Variants in DOCK4 observed in about 807,000 individuals in gnomAD.
DOCK4 encodes the protein dedicator of cytokinesis 4, also known as dedicator of cytokinesis protein 4.
Under a neutral mutation model 268.1 loss-of-function variants are expected in DOCK4, and 97 were observed. The observed-to-expected ratio is 0.36, with a 90% CI of 0.31 to 0.43. The LOEUF is 0.43. Ranked by LOEUF, DOCK4 falls within the 20% of genes least tolerant of loss-of-function variation. The pLI is 1.00. For synonymous variants in DOCK4, 954 were observed against 887.2 expected (o/e 1.08, Z -1.34); for missense variants, 2,145 against 2,455.7 (o/e 0.87, Z 2.67).
chr7:111,769,426 T>C lies in DOCK4; in HGVS notation c.3828+103A>G. 4 of 1,408,630 alleles carry C rather than the reference T, an allele frequency of 2.8e-6. No homozygotes were observed. The Middle Eastern group carries it at 1.0e-3, about 365-fold the overall frequency. The allele number at this position is 1,408,630 out of a possible 1,614,324, so 87.3% of individuals were successfully genotyped here. On this transcript the variant is annotated intron_variant, in intron 37 of 52. Transcript: ENST00000428084. ...TCTAATATACATTAAGATGTGAGGA[T>C]CCCTGCTTAAGGAGGTGGGCATTCA... is the stretch of plus-strand genomic sequence containing the variant.
Position 112,202,705 on chromosome 7 carries a change from G to A in DOCK4, c.37+3397C>T, listed in dbSNP as rs535819979. On this transcript the variant is annotated intron_variant, in intron 1 of 52. Coordinates refer to ENST00000428084, the MANE Select transcript of DOCK4 (RefSeq NM_001363540.2). ...ACAGGCTATAGTGCACTATGATGGC[G>A]CCTATGAATAGCCACTGCACTCCAG... Among the ~76,000 whole-genome samples the A allele has an allele frequency of 7.5e-4, 113 of 151,298 alleles. 4 individuals carry two copies. The highest frequency in any genetic ancestry group is 2.6e-3 in the African/African-American group (108 of 41,196).
chr7:111,984,218 G>C, intron 7 of DOCK4, 88 bp downstream of exon 7: 1 of 1,190,714 alleles, frequency 8.4e-7, no homozygotes, highest in Non-Finnish European at 1.2e-6. Flanking sequence ...GGAACATCCT[G>C]TTCTTACAAA....
At chr7:111,998,162 A>T (rs984893919) in intron 4 of DOCK4, among the ~76,000 whole-genome samples, 4 of 152,176 alleles carry the variant, frequency 2.6e-5, no homozygotes, top group African/African-American at 9.7e-5. Context: ...AGTAGCAAGA[A>T]ACCAAAAAGA....
chr7:111,919,861 C>T (rs979949931), intron 12 of DOCK4, among the ~76,000 whole-genome samples: 13 of 152,246 alleles, frequency 8.5e-5, no homozygotes, highest in African/African-American at 3.1e-4. Context: ...AGGGACCAGA[C>T]CACAAAGAGC....
chr7:111,814,983 C>T (rs1356257721), intron 27 of DOCK4, among the ~76,000 whole-genome samples: 1 of 152,102 alleles, frequency 6.6e-6, no homozygotes, highest in Non-Finnish European at 1.5e-5. Flanking sequence ...AATATTTATG[C>T]AATTTTAAAA....
chr7:111,962,299 T>C (rs1341824504), intron 8 of DOCK4, among the ~76,000 whole-genome samples: 2 of 152,236 alleles, frequency 1.3e-5, no homozygotes, highest in African/African-American at 4.8e-5. Flanking sequence ...TTTCCTGTAC[T>C]GGTTTTTAAA....
intron 1 of DOCK4, among the ~76,000 whole-genome samples, chr7:112,066,676 CAT>C (rs202049412): frequency 0.44 from 22,688 of 51,858 alleles, 4,616 homozygotes; most frequent in Non-Finnish European, 0.48. Context: ...TATACATATA[CAT>C]ATATACATAT....
At chr7:111,781,793 A>G (rs1798797535) in intron 35 of DOCK4, among the ~76,000 whole-genome samples, 1 of 152,186 alleles carries the variant, frequency 6.6e-6, no homozygotes, top group African/African-American at 2.4e-5. Context: ...GACAGGAGTA[A>G]ACAAAGTAAT....
intron 28 of DOCK4, among the ~76,000 whole-genome samples, chr7:111,811,066 T>C (rs1265480621): frequency 1.3e-5 from 2 of 152,064 alleles, no homozygotes; most frequent in Non-Finnish European, 1.5e-5. Context: ...ATTAGGGATA[T>C]ATGCCAAGTT....
chr7:112,080,613 G>A (rs1433026515), intron 1 of DOCK4, among the ~76,000 whole-genome samples: 1 of 152,166 alleles, frequency 6.6e-6, no homozygotes, highest in Non-Finnish European at 1.5e-5. Context: ...ACGCACTTGT[G>A]ACAATGTGCA....
chr7:111,792,845 C>G (rs996196463), intron 30 of DOCK4, among the ~76,000 whole-genome samples: 5 of 152,078 alleles, frequency 3.3e-5, no homozygotes, highest in African/African-American at 1.2e-4. Flanking sequence ...AAGGTGGGCC[C>G]CCATCTCTGG....
chr7:111,755,668 G>A, intron 41 of DOCK4, 67 bp from the exon 42 acceptor site: 1 of 1,424,250 alleles, frequency 7.0e-7, no homozygotes, highest in Non-Finnish European at 9.9e-7. Flanking sequence ...CATGACTAGT[G>A]TTTGTCGGTC....
chr7:112,005,445 T>C (rs1800777427), intron 1 of DOCK4, among the ~76,000 whole-genome samples: 1 of 152,232 alleles, frequency 6.6e-6, no homozygotes, highest in African/African-American at 2.4e-5. Flanking sequence ...TCAGAACATT[T>C]AGCCAAGCAC....
intron 1 of DOCK4, among the ~76,000 whole-genome samples, chr7:112,089,016 C>CA (rs1809376758): frequency 6.6e-6 from 1 of 151,714 alleles, no homozygotes; most frequent in African/African-American, 2.4e-5. Context: ...GACTTGGGTC[C>CA]AAAAAAGAAT....
intron 30 of DOCK4, 114 bp from the exon 31 acceptor site, chr7:111,790,719 G>A (rs560035826): frequency 1.5e-4 from 185 of 1,214,638 alleles, no homozygotes; most frequent in East Asian, 6.3e-4. Flanking sequence ...AATTATAGTC[G>A]TCTCCTCAAG....
chr7:111,960,483 T>A (rs1191552507), intron 8 of DOCK4, among the ~76,000 whole-genome samples: 1 of 147,240 alleles, frequency 6.8e-6, no homozygotes, highest in Non-Finnish European at 1.5e-5. Context: ...TAAATCAAGC[T>A]AACCTACCAT....
At chr7:111,887,104 A>C (rs1273004296) in intron 16 of DOCK4, among the ~76,000 whole-genome samples, 2 of 152,186 alleles carry the variant, frequency 1.3e-5, no homozygotes, top group Non-Finnish European at 2.9e-5. Flanking sequence ...AATTCCTTGG[A>C]TTAAAGTATT....
At chr7:112,070,151 T>C (rs893870671) in intron 1 of DOCK4, among the ~76,000 whole-genome samples, 12 of 152,176 alleles carry the variant, frequency 7.9e-5, no homozygotes, top group African/African-American at 2.9e-4. Flanking sequence ...AGAAAGCAGC[T>C]ATAGTAGCAG....
chr7:112,096,390 A>G (rs1810141583), intron 1 of DOCK4, among the ~76,000 whole-genome samples: 1 of 151,910 alleles, frequency 6.6e-6, no homozygotes, highest in African/African-American at 2.4e-5. Flanking sequence ...ACTTTGTTGC[A>G]CAGGCTGGTC....
Sources: allele counts gnomAD v4.1 joint callset (sites outside exome capture counted in the v4.1 genomes callset), GRCh38; gene constraint gnomAD v4.1.1; transcripts MANE v1.5; gene names NCBI Gene and HGNC (gene_info 2026-07-23, HGNC 2026-07-21).